Variants in FBXO34 observed in about 807,000 individuals in gnomAD.
FBXO34 encodes F-box only protein 34.
Under a neutral mutation model 24.5 loss-of-function variants are expected in FBXO34, and 12 were observed. That is an observed-to-expected ratio of 0.49 (90% CI 0.31 to 0.79). FBXO34 has a LOEUF of 0.79. Ranked by LOEUF, FBXO34 falls within the 30% of genes least tolerant of loss-of-function variation. The pLI, the probability that FBXO34 is intolerant of heterozygous loss-of-function variation, is 0.04. For missense variants in FBXO34, 823 were observed against 857.7 expected (o/e 0.96, Z 0.51); for synonymous variants, 320 against 311.9 (o/e 1.03, Z -0.27).
the FBXO34 span, chr14:55,396,094 T>A: frequency 2.8e-6 from 2 of 720,482 alleles, no homozygotes; most frequent in Non-Finnish European, 4.3e-6. Context: ...GCTAGAAATA[T>A]CAAAACGGGA....
At chr14:55,359,848 G>A (rs72717725) in intron 3 of FBXO34, among the ~76,000 whole-genome samples, 1,687 of 151,506 alleles carry the variant, frequency 0.011, 14 homozygotes, top group Middle Eastern at 0.027. Context: ...GGGAGGCCAC[G>A]GTGGGAGGGC....
At chr14:55,307,475 G>C (rs1404657939) in intron 1 of FBXO34, among the ~76,000 whole-genome samples, 2 of 152,186 alleles carry the variant, frequency 1.3e-5, no homozygotes, top group Non-Finnish European at 2.9e-5. Context: ...AAATTATTTT[G>C]TGTGACTCTT....
At chr14:55,361,074 C>T (rs1488562070) in intron 3 of FBXO34, among the ~76,000 whole-genome samples, 20 of 152,056 alleles carry the variant, frequency 1.3e-4, no homozygotes, top group Admixed American at 9.8e-4. Flanking sequence ...TCCAGAATGG[C>T]GAATCCATCC....
the FBXO34 span, chr14:55,395,175 C>A: frequency 2.2e-6 from 1 of 451,164 alleles, no homozygotes; most frequent in South Asian, 1.7e-5. Context: ...GCGTGCCGAT[C>A]TCCTCTTGGG....
chr14:55,321,925 C>T (rs781490260), intron 1 of FBXO34, among the ~76,000 whole-genome samples: 3 of 152,164 alleles, frequency 2.0e-5, no homozygotes, highest in African/African-American at 4.8e-5. Context: ...TGAAATTATA[C>T]AATTTAACAT....
chr14:55,364,193 C>A (rs1884631318), downstream of FBXO34, among the ~76,000 whole-genome samples: 1 of 152,044 alleles, frequency 6.6e-6, no homozygotes, highest in Non-Finnish European at 1.5e-5. Flanking sequence ...AGGTGATCCA[C>A]CTGCCTTGGC....
At chr14:55,415,082 C>T in the FBXO34 span, among the ~76,000 whole-genome samples, 2 of 152,162 alleles carry the variant, frequency 1.3e-5, no homozygotes, top group African/African-American at 2.4e-5. Context: ...GTATTAGTCC[C>T]TACTCATCTC....
intron 1 of FBXO34, among the ~76,000 whole-genome samples, chr14:55,297,622 AT>A (rs1882186117): frequency 6.6e-6 from 1 of 152,198 alleles, no homozygotes; most frequent in Non-Finnish European, 1.5e-5. Flanking sequence ...GGATTAGGTA[AT>A]TTTAGATTAT....
the FBXO34 span, among the ~76,000 whole-genome samples, chr14:55,426,136 G>A: frequency 2.0e-3 from 310 of 151,986 alleles, no homozygotes; most frequent in Non-Finnish European, 3.9e-3. Context: ...GTGTGGTGGT[G>A]GGTGCCTATA....
downstream of FBXO34, among the ~76,000 whole-genome samples, chr14:55,362,926 A>T (rs943057730): frequency 5.9e-5 from 9 of 152,080 alleles, no homozygotes; most frequent in African/African-American, 2.2e-4. Flanking sequence ...CATACAGAAA[A>T]TGCTAAAATA....
chr14:55,330,856 A>T (rs772575760), intron 1 of FBXO34, among the ~76,000 whole-genome samples: 1 of 152,126 alleles, frequency 6.6e-6, no homozygotes, highest in African/African-American at 2.4e-5. Context: ...AGCCTTTTAT[A>T]TACTGTGTAC....
chr14:55,356,466 G>T (rs1054827767), downstream of FBXO34, among the ~76,000 whole-genome samples: 1 of 152,092 alleles, frequency 6.6e-6, no homozygotes, highest in African/African-American at 2.4e-5. Context: ...TGTTTGTTTT[G>T]AGATGGAGTC....
At chr14:55,439,620 C>CCCCCCG in the FBXO34 span, among the ~76,000 whole-genome samples, 2 of 134,284 alleles carry the variant, frequency 1.5e-5, no homozygotes, top group African/African-American at 5.6e-5. Flanking sequence ...GCAAACCCCC[C>CCCCCCG]CCCGTCTCTA....
At chr14:55,384,634 A>C in the FBXO34 span, among the ~76,000 whole-genome samples, 4 of 152,242 alleles carry the variant, frequency 2.6e-5, no homozygotes, top group African/African-American at 9.6e-5. Flanking sequence ...TGGAAGTAGC[A>C]ATCAGTCTTT....
At chr14:55,413,695 T>A in the FBXO34 span, 1 of 320,650 alleles carries the variant, frequency 3.1e-6, no homozygotes, top group Non-Finnish European at 6.2e-6. Flanking sequence ...TCTGATTATT[T>A]ACCTTCACGC....
intron 1 of FBXO34, among the ~76,000 whole-genome samples, chr14:55,332,587 G>A (rs890597244): frequency 2.0e-5 from 3 of 152,162 alleles, no homozygotes; most frequent in Non-Finnish European, 2.9e-5. Context: ...AACTAGGAGG[G>A]AAGTATAATA....
chr14:55,342,343 C>G (rs1043876852), intron 1 of FBXO34, among the ~76,000 whole-genome samples: 1 of 152,156 alleles, frequency 6.6e-6, no homozygotes, highest in African/African-American at 2.4e-5. Context: ...CAATAAAGGA[C>G]TTTTCTGTCG....
At chr14:55,283,369 A>G (rs1881626872) in intron 1 of FBXO34, among the ~76,000 whole-genome samples, 1 of 152,126 alleles carries the variant, frequency 6.6e-6, no homozygotes, top group African/African-American at 2.4e-5. Context: ...TGTTAAGTGT[A>G]TTAGTTATAT....
At chr14:55,374,008 GT>G (rs1163638851), downstream of FBXO34, among the ~76,000 whole-genome samples, 2 of 152,110 alleles carry the variant, frequency 1.3e-5, no homozygotes, top group African/African-American at 4.8e-5. Context: ...GCCTAATTGT[GT>G]GTGCAATTCT....
Sources: gnomAD v4.1 joint callset for allele counts (sites outside exome capture counted in the v4.1 genomes callset) on GRCh38, gnomAD v4.1.1 for gene constraint, MANE v1.5 for transcripts, NCBI Gene and HGNC (gene_info 2026-07-23, HGNC 2026-07-21) for gene names.